Variants in INPP5D observed in about 807,000 individuals in gnomAD.
The protein encoded by INPP5D is phosphatidylinositol 3,4,5-trisphosphate 5-phosphatase 1.
INPP5D carries 33 observed loss-of-function variants against 122.9 expected under a neutral mutation model. The ratio of observed to expected loss-of-function variants is 0.27; its 90% CI spans 0.20 to 0.36. The LOEUF is 0.36. INPP5D is among the 10% of genes least tolerant of loss of function. The pLI is 1.00. For missense variants in INPP5D, 1,053 were observed against 1,412.7 expected (o/e 0.75, Z 4.08); for synonymous variants, 584 against 576.2 (o/e 1.01, Z -0.19).
Position 233,156,815 on chromosome 2 carries a change from T to G in INPP5D, c.1031-1498T>G, listed in dbSNP as rs541033988. On this transcript the variant is annotated intron_variant, in intron 9 of 26. Transcript: ENST00000445964. ...AGGTGCTCAGCATAAACCATATTGT[T>G]TGTACAAACAATGTAGGCACAGCAA... 3.4e-4 allele frequency among the ~76,000 whole-genome samples: 52 copies of G among 152,312 alleles called. 1 individual carries two copies. Among genetic ancestry groups the G allele is most frequent in the African/African-American group, 1.2e-3 (50 of 41,570 alleles).
chr2:233,121,121 C>CTT (rs369587747), intron 2 of INPP5D, among the ~76,000 whole-genome samples: 1 of 117,652 alleles, frequency 8.5e-6, no homozygotes. Context: ...TTCTTTCTTT[C>CTT]TTTTTTTTTT....
chr2:233,151,428 C>T (rs1693921798), intron 9 of INPP5D, among the ~76,000 whole-genome samples: 3 of 152,254 alleles, frequency 2.0e-5, no homozygotes, highest in Non-Finnish European at 4.4e-5. Flanking sequence ...CCACCTAGCT[C>T]CAGTCCTCCC....
intron 2 of INPP5D, among the ~76,000 whole-genome samples, chr2:233,080,650 C>T (rs1000763336): frequency 6.6e-6 from 1 of 152,060 alleles, no homozygotes; most frequent in Admixed American, 6.6e-5. Context: ...AGGCAGGGTA[C>T]ACTCTTCAGT....
In INPP5D at chr2:233,178,718, A is replaced by G. The variant is rs550181358; in HGVS notation, c.2071+1372A>G. Among the ~76,000 whole-genome samples the G allele has an allele frequency of 7.2e-5, 11 of 152,288 alleles. No homozygotes were observed. The South Asian group carries it at 1.4e-3, about 20-fold the overall frequency. ...AGGCTGGTCTCGAACTCCTGACTTC[A>G]GGTGATCCACCCGCCTCAGCCTCCC... On this transcript the variant is annotated intron_variant, in intron 18 of 26. Coordinates refer to ENST00000445964, the MANE Select transcript of INPP5D (RefSeq NM_001017915.3).
chr2:233,136,652 A>G (rs896157387), intron 5 of INPP5D, among the ~76,000 whole-genome samples: 1 of 152,178 alleles, frequency 6.6e-6, no homozygotes, highest in Non-Finnish European at 1.5e-5. Flanking sequence ...ATGTGTACCA[A>G]CTATCTGCAA....
intron 1 of INPP5D, among the ~76,000 whole-genome samples, chr2:233,061,414 G>A (rs888695612): frequency 3.3e-5 from 5 of 152,064 alleles, no homozygotes; most frequent in African/African-American, 1.2e-4. Context: ...CTAATCATAG[G>A]GGGGCCTTGC....
intron 2 of INPP5D, among the ~76,000 whole-genome samples, chr2:233,086,913 G>A (rs1211033434): frequency 6.6e-6 from 1 of 152,090 alleles, no homozygotes; most frequent in Non-Finnish European, 1.5e-5. Flanking sequence ...CGTGTTTCTG[G>A]GACCTGCTCC....
At chr2:233,091,650 A>T (rs1182073268) in intron 2 of INPP5D, among the ~76,000 whole-genome samples, 12 of 152,164 alleles carry the variant, frequency 7.9e-5, no homozygotes, top group Admixed American at 7.9e-4. Context: ...GGAACAGCTG[A>T]ATAATTCAGG....
intron 6 of INPP5D, chr2:233,141,021 C>T (rs1266705032): frequency 2.0e-5 from 3 of 152,164 alleles, no homozygotes; most frequent in African/African-American, 2.4e-5. Flanking sequence ...CTCTTCTTGC[C>T]TATTAGATGG....
At chr2:233,080,260 C>T (rs1382033870) in intron 2 of INPP5D, among the ~76,000 whole-genome samples, 2 of 152,154 alleles carry the variant, frequency 1.3e-5, no homozygotes, top group African/African-American at 4.8e-5. Flanking sequence ...AAATCAGCTG[C>T]ACCCGTCCAA....
chr2:233,120,183 T>C (rs533954031), intron 2 of INPP5D, among the ~76,000 whole-genome samples: 116 of 152,282 alleles, frequency 7.6e-4, no homozygotes, highest in African/African-American at 2.5e-3. Flanking sequence ...CTCAACTAAT[T>C]TTAAAATGAC....
intron 20 of INPP5D, 64 bp from the exon 21 acceptor site, chr2:233,185,779 G>A (rs937259748): frequency 1.4e-6 from 2 of 1,476,324 alleles, no homozygotes; most frequent in African/African-American, 1.4e-5. Context: ...GGTGACCCCA[G>A]GGAGTCTTTT....
At position 233,122,099 on chromosome 2, in the gene INPP5D, G is replaced by T. The variant is rs768168986; in HGVS notation, c.199-8G>T. The T allele has an allele frequency of 1.9e-6, 3 of 1,613,808 alleles. No individual in the cohort carries two copies. The highest frequency in any genetic ancestry group is 2.5e-6 in the Non-Finnish European group (3 of 1,179,786). ...ACATGTGCGTTTGTTTGGATGTTCT[G>T]TCCTCAGGCATCCGAAGGCGTCTCC... is the stretch of plus-strand genomic sequence containing the variant. On this transcript the variant is annotated splice_polypyrimidine_tract_variant and splice_region_variant and intron_variant, in intron 2 of 26. Transcript: ENST00000445964.
intron 2 of INPP5D, among the ~76,000 whole-genome samples, chr2:233,113,953 CT>C (rs1692709555): frequency 1.4e-5 from 2 of 145,062 alleles, no homozygotes; most frequent in Non-Finnish European, 3.0e-5. Context: ...GTCGCCCAGG[CT>C]GGATGGAGTG....
chr2:233,140,847 T>A (rs1173708173), intron 6 of INPP5D: 1 of 152,214 alleles, frequency 6.6e-6, no homozygotes, highest in East Asian at 1.9e-4. Context: ...TTTAAAAAAA[T>A]TCCTACAAAT....
intron 10 of INPP5D, 127 bp downstream of exon 10, chr2:233,158,546 C>G (rs963940181): frequency 1.1e-5 from 6 of 538,818 alleles, no homozygotes; most frequent in Non-Finnish European, 1.6e-5. Flanking sequence ...CATTTCACAC[C>G]TGGGAAAGGT....
At chr2:233,146,824 G>A (rs1050917265) in intron 8 of INPP5D, among the ~76,000 whole-genome samples, 12 of 152,194 alleles carry the variant, frequency 7.9e-5, no homozygotes, top group African/African-American at 2.9e-4. Context: ...GAGAATGACT[G>A]GATTAGAATC....
At chr2:233,137,453 CTTTTTT>C (rs35819628) in intron 5 of INPP5D, among the ~76,000 whole-genome samples, 1 of 136,660 alleles carries the variant, frequency 7.3e-6, no homozygotes, top group Non-Finnish European at 1.6e-5. Context: ...TTCCATTAAA[CTTTTTT>C]TTTTTTTTTT....
At position 233,160,291 on chromosome 2, in the gene INPP5D, G is replaced by T. The variant is rs1574774635; in HGVS notation, c.1138-1433G>T. Among the ~76,000 whole-genome samples the T allele has an allele frequency of 6.6e-6, 1 of 152,160 alleles. No homozygotes were observed. Among genetic ancestry groups the T allele is most frequent in the Admixed American group, 6.5e-5 (1 of 15,284 alleles). On this transcript the variant is annotated intron_variant, in intron 10 of 26. Transcript: ENST00000445964. This position sits in a 1 kb window ranked among gnomAD's most constrained non-coding sequence, Gnocchi z 4.2. The stretch of plus-strand genomic sequence containing the variant: ...TGTCATATGTTACACCCTGAAATTT[G>T]TGTACTTTGTTAAAGTCCGCCTGCT...
Sources: allele counts gnomAD v4.1 joint callset (sites outside exome capture counted in the v4.1 genomes callset), GRCh38; gene constraint gnomAD v4.1.1; non-coding constraint Gnocchi (gnomAD v3.1); transcripts MANE v1.5; gene names NCBI Gene and HGNC (gene_info 2026-07-23, HGNC 2026-07-21).